Variants in DMD observed in about 807,000 individuals in gnomAD.
DMD encodes mutant dystrophin.
A neutral mutation model predicts 330.1 loss-of-function variants in DMD; 63 were observed. That is an observed-to-expected ratio of 0.19 (90% CI 0.16 to 0.24). The LOEUF (loss-of-function observed/expected upper bound fraction) is 0.24. Among genes scored for constraint, DMD ranks in the 10% least tolerant of loss-of-function variants. DMD has a pLI of 1.00. For missense variants in DMD, 3,344 were observed against 2,684.1 expected, an observed-to-expected ratio of 1.25 and a Z score of -5.43; for synonymous variants, 1,223 against 959.8, an observed-to-expected ratio of 1.27 and a Z score of -5.07.
At chrX:32,347,728 A>T (rs1386117882) in intron 38 of DMD, among the ~76,000 whole-genome samples, 5 of 111,845 alleles carry the variant, frequency 4.5e-5, no homozygotes, top group Non-Finnish European at 9.4e-5. Flanking sequence ...AATTGTGAAA[A>T]GGAGGATGAA....
intron 21 of DMD, among the ~76,000 whole-genome samples, chrX:32,473,016 T>C (rs906445284): frequency 1.8e-5 from 2 of 111,047 alleles, no homozygotes; most frequent in Non-Finnish European, 1.9e-5. Flanking sequence ...ATATACAGTA[T>C]GTATATACAA....
intron 43 of DMD, among the ~76,000 whole-genome samples, chrX:32,238,326 A>G (rs1301267040): frequency 9.0e-6 from 1 of 111,311 alleles, no homozygotes; most frequent in Non-Finnish European, 1.9e-5. Flanking sequence ...GTCTGGTGTT[A>G]AATGATGCAC....
chrX:31,284,608 T>TTCTTCTTCTTCTTCTTC (rs1331247957), intron 62 of DMD, among the ~76,000 whole-genome samples: 49 of 28,066 alleles, frequency 1.7e-3, no homozygotes, highest in Non-Finnish European at 2.5e-3. Flanking sequence ...TCTTCTTCTT[T>TTCTTCTTCTTCTTCTTC]TTTTTGGCAG....
At chrX:32,790,776 A>G (rs2075756282) in intron 7 of DMD, among the ~76,000 whole-genome samples, 1 of 111,536 alleles carries the variant, frequency 9.0e-6, no homozygotes, top group Non-Finnish European at 1.9e-5. Flanking sequence ...AGCGACGCAC[A>G]GGCTACCCAG....
chrX:32,020,545 T>TA lies in DMD; in HGVS notation c.6439-52032dup, dbSNP rs372132799. ...TAATCCAATAAGTCTAATGTCCTCA[T>TA]AAAAGGAAGAACAGCTACAAGGGAT... On this transcript the variant is annotated intron_variant, in intron 44 of 78. Transcript: ENST00000357033. Among the ~76,000 whole-genome samples the TA allele has an allele frequency of 3.1e-3, 343 of 111,414 alleles. 3 individuals carry two copies. Among genetic ancestry groups the TA allele is most frequent in the African/African-American group, 0.01 (316 of 30,690 alleles).
chrX:32,859,010 A>G (rs1006607367), intron 2 of DMD, among the ~76,000 whole-genome samples: 1 of 111,701 alleles, frequency 9.0e-6, no homozygotes, highest in Non-Finnish European at 1.9e-5. Flanking sequence ...AATGGGGCTC[A>G]AATTATTACT....
chrX:32,760,659 T>C (rs1236443254), intron 7 of DMD, among the ~76,000 whole-genome samples: 6 of 111,730 alleles, frequency 5.4e-5, no homozygotes, highest in Non-Finnish European at 1.1e-4. Context: ...AAGAACAGAG[T>C]GATATAATGT....
intron 44 of DMD, 133 bp from the exon 45 acceptor site, chrX:31,968,647 C>CATAGGGAAATTTT: frequency 1.4e-6 from 1 of 711,473 alleles, no homozygotes; most frequent in Non-Finnish European, 2.1e-6. Flanking sequence ...GTGAAAATTT[C>CATAGGGAAATTTT]CCTATGAAAC....
intron 62 of DMD, among the ~76,000 whole-genome samples, chrX:31,298,410 T>TACACATACAC (rs1556458761): frequency 4.9e-4 from 48 of 97,862 alleles, no homozygotes; most frequent in African/African-American, 1.3e-3. Context: ...CACACACACA[T>TACACATACAC]ACACACACAC....
At chrX:32,983,566 CACACACACAT>C (rs1406355353) in intron 2 of DMD, among the ~76,000 whole-genome samples, 1,167 of 80,897 alleles carry the variant, frequency 0.014, 19 homozygotes, top group African/African-American at 0.1. Context: ...CACACACACA[CACACACACAT>C]ATAGGAACAC....
intron 1 of DMD, among the ~76,000 whole-genome samples, chrX:33,238,291 T>C (rs975505657): frequency 8.0e-5 from 9 of 111,957 alleles, no homozygotes; most frequent in Non-Finnish European, 1.3e-4. Flanking sequence ...GCTCACACAA[T>C]GCTCCAGCAT....
chrX:31,136,855 A>C (rs776665445), intron 76 of DMD, among the ~76,000 whole-genome samples: 30 of 112,216 alleles, frequency 2.7e-4, no homozygotes, highest in African/African-American at 9.1e-4. Flanking sequence ...TCTTTGCTTT[A>C]ATGGAAAACT....
intron 52 of DMD, among the ~76,000 whole-genome samples, chrX:31,691,491 G>C (rs1447273558): frequency 5.4e-5 from 6 of 111,596 alleles, no homozygotes; most frequent in Non-Finnish European, 9.4e-5. Flanking sequence ...TAGAGTGGTT[G>C]AGTGGATTAA....
intron 55 of DMD, among the ~76,000 whole-genome samples, chrX:31,570,680 A>T (rs2075761309): frequency 2.4e-5 from 1 of 41,864 alleles, no homozygotes; most frequent in South Asian, 1.8e-3. Flanking sequence ...ACTTAATAGG[A>T]TTGTTTATCT....
chrX:32,439,187 A>T (rs1409914211), intron 28 of DMD, among the ~76,000 whole-genome samples: 4 of 111,715 alleles, frequency 3.6e-5, no homozygotes, highest in Non-Finnish European at 7.5e-5. Context: ...GTTCTCACAA[A>T]TTTATTAAAT....
intron 43 of DMD, among the ~76,000 whole-genome samples, chrX:32,231,211 CT>C (rs1296434695): frequency 1.8e-5 from 2 of 112,351 alleles, no homozygotes; most frequent in Admixed American, 9.5e-5. Context: ...ATTTAACTTA[CT>C]TTTTTCTGCT....
chrX:31,822,653 G>GTGTGTGTGT (rs1556919106), intron 49 of DMD, among the ~76,000 whole-genome samples: 1,263 of 65,801 alleles, frequency 0.019, 22 homozygotes, highest in South Asian at 0.07. Flanking sequence ...AAGGCAGAGG[G>GTGTGTGTGT]GTGTGTGTGT....
intron 33 of DMD, among the ~76,000 whole-genome samples, chrX:32,384,433 T>A (rs2097944681): frequency 9.0e-6 from 1 of 111,030 alleles, no homozygotes; most frequent in African/African-American, 3.2e-5. Flanking sequence ...TTCAAGATTA[T>A]CATAATGCTT....
intron 16 of DMD, among the ~76,000 whole-genome samples, chrX:32,547,107 C>G (rs983505370): frequency 1.8e-5 from 2 of 110,826 alleles, no homozygotes; most frequent in Non-Finnish European, 3.8e-5. Flanking sequence ...TCTTTGCATA[C>G]AGTGGAGGCT....
Sources: gnomAD v4.1 joint callset for allele counts (sites outside exome capture counted in the v4.1 genomes callset) on GRCh38, gnomAD v4.1.1 for gene constraint, MANE v1.5 for transcripts, NCBI Gene and HGNC (gene_info 2026-07-23, HGNC 2026-07-21) for gene names.